OTUD4: variants seen among roughly 807,000 people sequenced by gnomAD.
OTUD4 encodes OTU domain-containing protein 4.
In OTUD4, 24 loss-of-function variants were observed where a neutral mutation model predicts 130.4. The ratio of observed to expected loss-of-function variants is 0.18; its 90% CI spans 0.13 to 0.26. OTUD4 has a LOEUF of 0.26. OTUD4 is among the 10% of genes least tolerant of loss of function. The probability of loss-of-function intolerance (pLI) is 1.00; values close to 1 mark genes in which losing one functional copy is unlikely to be tolerated. For missense variants in OTUD4, 1,031 were observed against 1,329.4 expected (o/e 0.78, Z 3.49); for synonymous variants, 420 against 472.5 (o/e 0.89, Z 1.44).
In OTUD4 at chr4:145,138,276, G is replaced by C. The variant is rs1750383022; in HGVS notation, c.2499C>G (p.Gly833=). Residue 833 remains glycine (G), a synonymous_variant, in exon 21 of 21, where the codon GGC becomes GGG. Coordinates refer to ENST00000447906, the MANE Select transcript of OTUD4 (RefSeq NM_001366057.1). ...LHADYEESLS[G]KNMFPQPSFG... is the part of the protein sequence containing the mutation. The stretch of plus-strand genomic sequence containing the variant: ...AAGATGGCTGGGGGAACATATTCTT[G>C]CCACTTAGTGACTCTTCATAATCAG... 1.2e-6 allele frequency: 2 copies of C among 1,613,882 alleles called. No individual in the cohort carries two copies. The highest frequency in any genetic ancestry group is 1.7e-6 in the Non-Finnish European group (2 of 1,179,900).
intron 13 of OTUD4, among the ~76,000 whole-genome samples, chr4:145,147,079 C>A (rs1490643759): frequency 6.6e-6 from 1 of 152,044 alleles, no homozygotes; most frequent in African/African-American, 2.4e-5. Context: ...ATAATCCAAC[C>A]CTAATGTGTT....
intron 4 of OTUD4, among the ~76,000 whole-genome samples, chr4:145,164,750 T>TA (rs201524577): frequency 3.9e-4 from 58 of 149,378 alleles, no homozygotes; most frequent in Admixed American, 4.7e-4. Context: ...TTCCAAAATT[T>TA]AAAAAAAAAA....
intron 11 of OTUD4, among the ~76,000 whole-genome samples, chr4:145,151,492 G>A (rs185169617): frequency 5.3e-5 from 8 of 152,114 alleles, no homozygotes; most frequent in Non-Finnish European, 1.0e-4. Context: ...AAAATTAGCC[G>A]GGCGTAGTGA....
chr4:145,161,118 A>C (rs1751541287), intron 6 of OTUD4, among the ~76,000 whole-genome samples: 1 of 150,796 alleles, frequency 6.6e-6, no homozygotes, highest in African/African-American at 2.4e-5. Context: ...TCAAAACAAC[A>C]ACAACAACAA....
At chr4:145,154,927 A>G (rs1751217556) in intron 10 of OTUD4, among the ~76,000 whole-genome samples, 1 of 152,116 alleles carries the variant, frequency 6.6e-6, no homozygotes, top group South Asian at 2.1e-4. Flanking sequence ...ACAATCAGCT[A>G]CTCAAATCCA....
intron 10 of OTUD4, 105 bp from the exon 11 acceptor site, chr4:145,152,740 A>G (rs1052136158): frequency 1.7e-5 from 11 of 646,910 alleles, no homozygotes; most frequent in Non-Finnish European, 2.4e-5. Context: ...TTCTTGAGAC[A>G]GGGTCTCACT....
At position 145,137,516 on chromosome 4, in the gene OTUD4, A is replaced by G. The variant is rs781207250; in HGVS notation, c.3259T>C (p.Tyr1087His). ...PSRSRDEGYQ[Y>H]HRNVRGRPFR... Reference sequence around the variant, plus strand: ...GGTCGCCCTCTGACATTTCGATGGTACTGATAACCTTCATCCCGACTTCTG... The same window carrying G: ...GGTCGCCCTCTGACATTTCGATGGTGCTGATAACCTTCATCCCGACTTCTG... The change falls in exon 21 of 21, where the codon TAC (tyrosine) becomes CAC (histidine). Residue 1087 changes from tyrosine to histidine, a missense_variant. Tyr to His is a moderately conservative substitution (Grantham distance 83, BLOSUM62 2). Transcript: ENST00000447906. The G allele has an allele frequency of 6.2e-7, 1 of 1,611,806 alleles. No homozygotes were observed. Among genetic ancestry groups the G allele is most frequent in the South Asian group, 1.1e-5 (1 of 91,018 alleles).
intron 10 of OTUD4, 111 bp downstream of exon 10, chr4:145,155,300 T>C (rs1751233625): frequency 2.4e-6 from 2 of 821,284 alleles, no homozygotes; most frequent in South Asian, 3.1e-5. Context: ...ATAAATATAT[T>C]CTGAAATCCC....
At chr4:145,175,699 G>C (rs528300826) in intron 1 of OTUD4, among the ~76,000 whole-genome samples, 1 of 150,506 alleles carries the variant, frequency 6.6e-6, no homozygotes, top group Non-Finnish European at 1.5e-5. Flanking sequence ...CAACTACCAC[G>C]GCGCTTGGCT....
At chr4:145,167,318 T>C (rs918270425) in intron 3 of OTUD4, among the ~76,000 whole-genome samples, 9 of 152,172 alleles carry the variant, frequency 5.9e-5, no homozygotes, top group Non-Finnish European at 7.4e-5. Context: ...AGCACAATCT[T>C]TTCCCTCAGA....
At chr4:145,151,015 C>T (rs1751041518) in intron 11 of OTUD4, 110 bp from the exon 12 acceptor site, 1 of 580,424 alleles carries the variant, frequency 1.7e-6, no homozygotes, top group East Asian at 3.1e-5. Context: ...TTATTTCTTA[C>T]ATTAAAAACA....
At chr4:145,177,516 C>A (rs1752484481) in intron 1 of OTUD4, among the ~76,000 whole-genome samples, 1 of 152,178 alleles carries the variant, frequency 6.6e-6, no homozygotes, top group African/African-American at 2.4e-5. Flanking sequence ...AGTAGTATGA[C>A]AAATATCTCT....
intron 13 of OTUD4, among the ~76,000 whole-genome samples, 180 bp downstream of exon 13, chr4:145,150,333 G>C (rs1751009568): frequency 6.6e-6 from 1 of 152,156 alleles, no homozygotes; most frequent in African/African-American, 2.4e-5. Flanking sequence ...TCCTTGCTTT[G>C]AAGAGAATTA....
chr4:145,152,608 A>T lies in OTUD4; in HGVS notation c.901T>A (p.Leu301Met). ...TGAATTCCTTGAACATCTGCATTCA[A>T]AAATTTTCCATTGTGATCCAACCTA... ...QVRLDHNGKF[L>M]NADVQGIHSE... is the part of the protein sequence containing the mutation. The change falls in exon 11 of 21, where the codon TTG becomes ATG. Residue 301 changes from leucine (L) to methionine (M), a missense_variant. Physicochemically the swap from Leu to Met is conservative, Grantham distance 15. Transcript: ENST00000447906. The T allele has an allele frequency of 1.2e-6, 2 of 1,611,942 alleles. No homozygotes were observed. Among genetic ancestry groups the T allele is most frequent in the Non-Finnish European group, 1.7e-6 (2 of 1,178,276 alleles).
At chr4:145,171,775 A>C in intron 2 of OTUD4, 55 bp from the exon 3 acceptor site, 1 of 823,964 alleles carries the variant, frequency 1.2e-6, no homozygotes, top group East Asian at 2.4e-5. Context: ...CAAAACAGTT[A>C]ACCGCTTCGC....
intron 13 of OTUD4, among the ~76,000 whole-genome samples, chr4:145,147,904 T>G (rs1188951912): frequency 6.6e-6 from 1 of 152,180 alleles, no homozygotes; most frequent in Non-Finnish European, 1.5e-5. Flanking sequence ...TCTGACTAGA[T>G]TTTGTAATCT....
intron 3 of OTUD4, among the ~76,000 whole-genome samples, chr4:145,170,518 T>G (rs992389197): frequency 2.6e-5 from 4 of 152,258 alleles, no homozygotes; most frequent in African/African-American, 9.6e-5. Context: ...GAAATAACAC[T>G]TTGAATGCCT....
intron 4 of OTUD4, among the ~76,000 whole-genome samples, chr4:145,164,714 T>A (rs1229044501): frequency 6.6e-6 from 1 of 151,976 alleles, no homozygotes; most frequent in Non-Finnish European, 1.5e-5. Context: ...TTAGGGATGC[T>A]CAACTGGGTA....
intron 6 of OTUD4, among the ~76,000 whole-genome samples, chr4:145,160,508 T>G (rs1475885879): frequency 1.3e-5 from 2 of 152,148 alleles, no homozygotes; most frequent in African/African-American, 4.8e-5. Flanking sequence ...GAAAACAATG[T>G]ACTAAGAATT....
Sources: allele counts gnomAD v4.1 joint callset (sites outside exome capture counted in the v4.1 genomes callset), GRCh38; gene constraint gnomAD v4.1.1; transcripts MANE v1.5; gene names NCBI Gene and HGNC (gene_info 2026-07-23, HGNC 2026-07-21).